NELL2: variants seen among roughly 807,000 people sequenced by gnomAD.
NELL2 encodes the protein protein kinase C-binding protein NELL2.
Under a neutral mutation model 109.6 loss-of-function variants are expected in NELL2, and 41 were observed. The observed-to-expected ratio is 0.37, with a 90% CI of 0.29 to 0.49. The LOEUF (loss-of-function observed/expected upper bound fraction) is 0.49, where lower values mean the gene tolerates loss of function less well. NELL2 is among the 20% of genes least tolerant of loss of function. NELL2 has a pLI of 0.98. For missense variants in NELL2, 900 were observed against 1,008.3 expected (o/e 0.89, Z 1.45); for synonymous variants, 355 against 344.7 (o/e 1.03, Z -0.33).
intron 13 of NELL2, among the ~76,000 whole-genome samples, chr12:44,660,703 T>G (rs1947710845): frequency 1.3e-5 from 2 of 152,180 alleles, no homozygotes; most frequent in African/African-American, 4.8e-5. Flanking sequence ...GCTAAAGAAC[T>G]ACACAACATA....
chr12:44,916,754 T>C (rs1361544365), upstream of NELL2, among the ~76,000 whole-genome samples: 1 of 152,180 alleles, frequency 6.6e-6, no homozygotes, highest in Non-Finnish European at 1.5e-5. Context: ...GAACACTTTT[T>C]GAACACCAGT....
chr12:44,670,248 C>T lies in NELL2; in HGVS notation c.1319-4639G>A, dbSNP rs868701702. On this transcript the variant is annotated intron_variant, in intron 12 of 19. Transcript: ENST00000429094. Reference sequence around the variant, plus strand: ...CCCTACAAAAAATGTTTAAGGTAATCCTATATCTGAAAGTGAAAGAAAGAT... The same window carrying T: ...CCCTACAAAAAATGTTTAAGGTAATTCTATATCTGAAAGTGAAAGAAAGAT... Among the ~76,000 whole-genome samples, 8 of 152,078 alleles carry T rather than the reference C, an allele frequency of 5.3e-5. No homozygotes were observed. In the South Asian group the frequency reaches 1.5e-3, roughly 28 times the overall value.
intron 15 of NELL2, among the ~76,000 whole-genome samples, chr12:44,603,454 G>A (rs1014770379): frequency 2.6e-5 from 4 of 152,126 alleles, no homozygotes; most frequent in Non-Finnish European, 5.9e-5. Flanking sequence ...ACACATATTT[G>A]CTGAGGTTTA....
intron 9 of NELL2, among the ~76,000 whole-genome samples, chr12:44,726,325 G>A (rs1192315969): frequency 1.3e-5 from 2 of 152,140 alleles, no homozygotes. Context: ...TTCATGAGGT[G>A]AGAAATATTA....
intron 13 of NELL2, among the ~76,000 whole-genome samples, chr12:44,658,877 C>CAAAAAAAAAAAAAA (rs58696965): frequency 5.7e-5 from 4 of 69,922 alleles, no homozygotes; most frequent in African/African-American, 9.8e-5. Flanking sequence ...ACTCTGTCTC[C>CAAAAAAAAAAAAAA]AAAAAAAAAA....
chr12:44,625,793 T>C (rs769860898), intron 13 of NELL2, among the ~76,000 whole-genome samples: 1 of 152,174 alleles, frequency 6.6e-6, no homozygotes, highest in Admixed American at 6.6e-5. Context: ...AAGTATTTAT[T>C]ACACTGTGGT....
chr12:44,583,503 T>C (rs1430577354), intron 15 of NELL2, among the ~76,000 whole-genome samples: 1 of 152,152 alleles, frequency 6.6e-6, no homozygotes, highest in Non-Finnish European at 1.5e-5. Flanking sequence ...TACACACTGA[T>C]AAATGAATAA....
intron 15 of NELL2, among the ~76,000 whole-genome samples, chr12:44,599,001 G>T (rs897223015): frequency 1.3e-5 from 2 of 152,038 alleles, no homozygotes; most frequent in African/African-American, 2.4e-5. Flanking sequence ...AAAAAGAAAT[G>T]TTAGCTCTTA....
chr12:44,598,177 A>C (rs999882156), intron 15 of NELL2, among the ~76,000 whole-genome samples: 1 of 151,970 alleles, frequency 6.6e-6, no homozygotes, highest in Non-Finnish European at 1.5e-5. Flanking sequence ...AAAAAAAAAA[A>C]AAAAAACAGT....
chr12:44,685,720 C>G (rs990885953), intron 12 of NELL2, among the ~76,000 whole-genome samples: 5 of 152,086 alleles, frequency 3.3e-5, no homozygotes, highest in African/African-American at 1.2e-4. Context: ...AAATTCTTTT[C>G]TTTAAGAATG....
At chr12:44,654,264 A>G (rs1385095380) in intron 13 of NELL2, among the ~76,000 whole-genome samples, 1 of 152,224 alleles carries the variant, frequency 6.6e-6, no homozygotes, top group African/African-American at 2.4e-5. Flanking sequence ...AATGTGTGAC[A>G]GCTTATGGGT....
chr12:44,795,175 G>T (rs1410656209), intron 3 of NELL2, among the ~76,000 whole-genome samples: 2 of 152,148 alleles, frequency 1.3e-5, no homozygotes, highest in Non-Finnish European at 2.9e-5. Context: ...TTTTTCTGCT[G>T]CCTTAAATTA....
intron 2 of NELL2, among the ~76,000 whole-genome samples, chr12:44,848,730 T>G (rs1162487840): frequency 6.6e-6 from 1 of 152,180 alleles, no homozygotes; most frequent in African/African-American, 2.4e-5. Flanking sequence ...ATCAATAGAC[T>G]GATCACTACT....
chr12:44,520,722 G>C (rs779194727), intron 18 of NELL2, among the ~76,000 whole-genome samples: 11 of 151,698 alleles, frequency 7.3e-5, no homozygotes, highest in Non-Finnish European at 1.6e-4. Flanking sequence ...ATATTTTTCA[G>C]TGTAGAGACT....
intron 15 of NELL2, among the ~76,000 whole-genome samples, chr12:44,586,720 GC>G (rs1943952351): frequency 6.6e-6 from 1 of 152,152 alleles, no homozygotes; most frequent in African/African-American, 2.4e-5. Flanking sequence ...GCAGTAGTTA[GC>G]TTTTTTCCCA....
At chr12:44,665,762 T>C (rs1222929363) in intron 12 of NELL2, among the ~76,000 whole-genome samples, 153 bp from the exon 13 acceptor site, 1 of 152,350 alleles carries the variant, frequency 6.6e-6, no homozygotes, top group East Asian at 1.9e-4. Context: ...GTGTTTAATG[T>C]TCAAATGACA....
At position 44,568,517 on chromosome 12, in the gene NELL2, A is replaced by G. The variant is rs7308496; in HGVS notation, c.1664-35796T>C. Among the ~76,000 whole-genome samples, 772 of 152,206 alleles carry G rather than the reference A, an allele frequency of 5.1e-3. 8 individuals carry two copies. Among genetic ancestry groups the G allele is most frequent in the African/African-American group, 0.017 (725 of 41,552 alleles). ...ACATTCTATATTTTTACAGTTTATC[A>G]TATCATCACTATAATGTTTAAAAGA... On this transcript the variant is annotated intron_variant, in intron 15 of 19. Coordinates refer to ENST00000429094, the MANE Select transcript of NELL2 (RefSeq NM_001145108.2).
At chr12:44,512,416 T>C (rs1941039580) in intron 19 of NELL2, among the ~76,000 whole-genome samples, 1 of 151,862 alleles carries the variant, frequency 6.6e-6, no homozygotes, top group African/African-American at 2.4e-5. Context: ...AAAAACAGTA[T>C]GAAAGTTTCT....
chr12:44,613,584 C>T (rs1424976676), intron 13 of NELL2, among the ~76,000 whole-genome samples: 1 of 151,998 alleles, frequency 6.6e-6, no homozygotes. Context: ...CTTTTGAAAA[C>T]AGAAAATATT....
Sources: gnomAD v4.1 joint callset for allele counts (sites outside exome capture counted in the v4.1 genomes callset) on GRCh38, gnomAD v4.1.1 for gene constraint, MANE v1.5 for transcripts, NCBI Gene and HGNC (gene_info 2026-07-23, HGNC 2026-07-21) for gene names.